Variants in ASPM observed in about 807,000 individuals in gnomAD.
ASPM encodes the protein abnormal spindle-like microcephaly-associated protein.
In ASPM, 256 loss-of-function variants were observed where a neutral mutation model predicts 366.4. The ratio of observed to expected loss-of-function variants is 0.70; its 90% CI spans 0.63 to 0.77. The LOEUF (loss-of-function observed/expected upper bound fraction) is 0.77. Ranked by LOEUF, ASPM falls within the 30% of genes least tolerant of loss-of-function variation. The probability of loss-of-function intolerance (pLI) is 0.00; values close to 1 mark genes in which losing one functional copy is unlikely to be tolerated. For synonymous variants in ASPM, 1,414 were observed against 1,342.9 expected, an observed-to-expected ratio of 1.05 and a Z score of -1.16; for missense variants, 4,146 against 4,090.4, an observed-to-expected ratio of 1.01 and a Z score of -0.37.
rs1464543547 is a variant in ASPM, at chr1:197,104,417, T to A, written c.4834A>T (p.Ile1612Phe). 2 of 1,612,984 alleles carry A rather than the reference T, an allele frequency of 1.2e-6. No homozygotes were observed. Among genetic ancestry groups the A allele is most frequent in the Admixed American group, 3.3e-5 (2 of 59,796 alleles). The stretch of plus-strand genomic sequence containing the variant: ...ATATAAGCTCGGAAATGAGTCTGAA[T>A]TATAACAGCTGCTTTCTTCATCTTC... The part of the protein sequence containing the change: ...YKKMKKAAVI[I>F]QTHFRAYIFA... Residue 1612 changes from isoleucine to phenylalanine, a missense_variant, in exon 18 of 28, where the codon ATT becomes TTT. This residue lies in a region of ASPM where 3,624 missense variants were observed against 3,591.7 expected (regional missense o/e 1.01). Transcript: ENST00000367409.
rs1331437736 is a variant in ASPM, at chr1:197,101,145, G to A, written c.8106C>T (p.His2702=). 1 of 1,612,258 alleles carries A rather than the reference G, an allele frequency of 6.2e-7. No homozygotes were observed. Among genetic ancestry groups the A allele is most frequent in the Admixed American group, 1.7e-5 (1 of 59,724 alleles). ...TTGTTTCATAATCAACTTTGGCCCT[G>A]TGCATTCGATAGAATGACTGAATTA... ...ATLIQSFYRM[H]RAKVDYETKK... The change falls in exon 18 of 28, where the codon CAC becomes CAT. Residue 2702 remains histidine, a synonymous_variant. Transcript: ENST00000367409.
At position 197,142,865 on chromosome 1, in the gene ASPM, T is replaced by G; in HGVS notation, c.1387A>C (p.Ser463Arg). The change falls in exon 3 of 28, where the codon AGT (serine) becomes CGT (arginine). Residue 463 changes from serine to arginine, a missense_variant. Ser to Arg is a moderately radical substitution (Grantham distance 110, BLOSUM62 -1). Transcript: ENST00000367409. ...TTAGGATTATTTTGTTTTATAAAAC[T>G]GTAGTAATTTGACTTCATTTCTACT... The part of the protein sequence containing the change: ...ELVEMKSNYY[S>R]FIKQNNPKFS... 1 of 1,613,046 alleles carries G rather than the reference T, an allele frequency of 6.2e-7. No homozygotes were observed. Among genetic ancestry groups the G allele is most frequent in the Non-Finnish European group, 8.5e-7 (1 of 1,179,074 alleles).
chr1:197,112,384 G>A (rs1284524712), intron 17 of ASPM, among the ~76,000 whole-genome samples: 4 of 152,052 alleles, frequency 2.6e-5, no homozygotes, highest in Non-Finnish European at 5.9e-5. Flanking sequence ...AGGAGGGAAA[G>A]GATCAGGAAA....
chr1:197,133,992 G>T (rs1422573845), intron 5 of ASPM, among the ~76,000 whole-genome samples: 1 of 151,636 alleles, frequency 6.6e-6, no homozygotes, highest in Non-Finnish European at 1.5e-5. Context: ...TTTAAGAAAA[G>T]AACGAAAAAT....
chr1:197,119,560 A>G (rs1025649572), intron 16 of ASPM, among the ~76,000 whole-genome samples: 5 of 152,108 alleles, frequency 3.3e-5, no homozygotes, highest in Admixed American at 6.6e-5. Context: ...AGAGGCAAAT[A>G]TATTACCAAA....
At position 197,101,067 on chromosome 1, in the gene ASPM, T is replaced by C. The variant is rs374998345; in HGVS notation, c.8184A>G (p.Val2728=). The C allele has an allele frequency of 2.4e-5, 39 of 1,611,358 alleles. No homozygotes were observed. Among genetic ancestry groups the C allele is most frequent in the African/African-American group, 9.4e-5 (7 of 74,700 alleles). The change falls in exon 18 of 28, where the codon GTA becomes GTG. Residue 2728 remains valine (V), a synonymous_variant. Transcript: ENST00000367409. ...CTAAAAAGTTTTTTCTTTCTGTTTT[T>C]ACTCTAACATACAACCTATAATAAT... ...IQNYYRLYVR[V]KTERKNFLAV... is the part of the protein sequence containing the mutation.
At position 197,139,857 on chromosome 1, in the gene ASPM, T is replaced by C. The variant is rs1658530143; in HGVS notation, c.1936A>G (p.Arg646Gly). Reference protein sequence around the residue: ...LKKKTDLSIFRTPISKTNKRT... With the variant: ...LKKKTDLSIFGTPISKTNKRT... ...TTGTTTGTTTTAGAAATTGGAGTTC[T>C]GAATATTGATAAATCTAAAATAAAT... Residue 646 changes from arginine (R) to glycine (G), a missense_variant, in exon 4 of 28, where the codon AGA becomes GGA. Coordinates refer to ENST00000367409, the MANE Select transcript of ASPM (RefSeq NM_018136.5). 1 of 1,595,228 alleles carries C rather than the reference T, an allele frequency of 6.3e-7. No individual in the cohort carries two copies. The highest frequency in any genetic ancestry group is 8.6e-7 in the Non-Finnish European group (1 of 1,163,044).
At chr1:197,129,516 T>C (rs1176626880) in intron 8 of ASPM, among the ~76,000 whole-genome samples, 199 bp from the exon 9 acceptor site, 3 of 152,142 alleles carry the variant, frequency 2.0e-5, no homozygotes, top group Admixed American at 1.3e-4. Context: ...ATGGGACAAG[T>C]ATGCACCACT....
chr1:197,104,072 G>A lies in ASPM; in HGVS notation c.5179C>T (p.Gln1727Ter). ...IAAQKREEYM[Q>*]MRESCIKLQA... ...AGTTTGATACAAGATTCCCGCATCT[G>A]CATATACTCTTCTCTCTTTTGTGCA... Residue 1727 changes from glutamine to a stop codon, truncating the protein, a stop_gained, in exon 18 of 28, where the codon CAG becomes TAG. Coordinates refer to ENST00000367409, the MANE Select transcript of ASPM (RefSeq NM_018136.5). LOFTEE classifies it high-confidence loss of function. The A allele has an allele frequency of 6.8e-6, 11 of 1,612,976 alleles. No homozygotes were observed. The highest frequency in any genetic ancestry group is 8.5e-6 in the Non-Finnish European group (10 of 1,179,470).
Position 197,142,470 on chromosome 1 carries a change from T to C in ASPM, c.1782A>G (p.Thr594=). 6.2e-7 allele frequency: 1 copy of C among 1,614,050 alleles called. No individual in the cohort carries two copies. Among genetic ancestry groups the C allele is most frequent in the South Asian group, 1.1e-5 (1 of 91,086 alleles). Residue 594 remains threonine, a synonymous_variant, in exon 3 of 28, where the codon ACA becomes ACG. Transcript: ENST00000367409. The stretch of plus-strand genomic sequence containing the variant: ...GGATTCTTTTGATTTCTCGCACTTC[T>C]GTATGTTCTGTAATTGCAACTCTCA... ...ANVRVAITEH[T]EVREIKRIHF...
At position 197,129,289 on chromosome 1, in the gene ASPM, T is replaced by C. The variant is rs1200250531; in HGVS notation, c.2658A>G (p.Thr886=). ...DGHEEALSKF[T]LKKLLLLVCF... ...AGACCAACAACAATAACTTTTTCAA[T>C]GTAAACTTGGACAAAGCTTCTTCAT... Residue 886 remains threonine (T), a synonymous_variant, in exon 9 of 28, where the codon ACA becomes ACG. Coordinates refer to ENST00000367409, the MANE Select transcript of ASPM (RefSeq NM_018136.5). The C allele has an allele frequency of 1.2e-6, 2 of 1,613,138 alleles. No homozygotes were observed. Among genetic ancestry groups the C allele is most frequent in the East Asian group, 2.2e-5 (1 of 44,732 alleles).
intron 18 of ASPM, among the ~76,000 whole-genome samples, chr1:197,098,027 CAT>C (rs1657035733): frequency 6.7e-6 from 1 of 149,658 alleles, no homozygotes; most frequent in African/African-American, 2.4e-5. Flanking sequence ...CACACACACA[CAT>C]CACACCTGAA....
chr1:197,146,079 T>G (rs1288324461), intron 1 of ASPM, 62 bp downstream of exon 1: 2 of 1,594,724 alleles, frequency 1.3e-6, no homozygotes, highest in African/African-American at 2.7e-5. Context: ...CTGAGGAGGG[T>G]GGCAGGAAAG....
intron 17 of ASPM, among the ~76,000 whole-genome samples, chr1:197,115,573 C>T (rs1338426311): frequency 1.3e-5 from 2 of 152,140 alleles, no homozygotes; most frequent in African/African-American, 4.8e-5. Context: ...AAATGTGTTT[C>T]TTAAATAATA....
At chr1:197,092,119 T>C (rs1656805501) in intron 21 of ASPM, 63 bp from the exon 22 acceptor site, 1 of 1,539,754 alleles carries the variant, frequency 6.5e-7, no homozygotes, top group Non-Finnish European at 9.0e-7. Context: ...ATGAGTGTTT[T>C]TTTTTGTATA....
intron 17 of ASPM, among the ~76,000 whole-genome samples, chr1:197,113,450 G>A (rs1337453671): frequency 6.6e-6 from 1 of 152,140 alleles, no homozygotes; most frequent in Admixed American, 6.6e-5. Context: ...AGTAAAACAT[G>A]CTGAAACAAC....
rs199936400 is a variant in ASPM at position 197,089,723 on chromosome 1, TTAA to T, written c.9984+204_9984+206del. On this transcript the variant is annotated intron_variant, in intron 25 of 27. Coordinates refer to ENST00000367409, the MANE Select transcript of ASPM (RefSeq NM_018136.5). ...TTAATATTATTAATCATCATTGTTTTTAATATTATAAAGACTGAGGAAATAATA... is the reference window on the plus strand; with the variant it reads ...TTAATATTATTAATCATCATTGTTTTTATTATAAAGACTGAGGAAATAATA... 4.1e-3 allele frequency among the ~76,000 whole-genome samples: 621 copies of T among 152,138 alleles called. 7 individuals carry two copies. Among genetic ancestry groups the T allele is most frequent in the African/African-American group, 0.013 (537 of 41,552 alleles).
intron 18 of ASPM, among the ~76,000 whole-genome samples, chr1:197,097,908 C>A (rs1290789747): frequency 6.6e-6 from 1 of 151,096 alleles, no homozygotes; most frequent in African/African-American, 2.4e-5. Flanking sequence ...GACCGAAAAT[C>A]TGTCACAGAA....
In ASPM at chr1:197,105,024, T is replaced by C. The variant is rs1180323784; in HGVS notation, c.4227A>G (p.Arg1409=). 2 of 1,610,768 alleles carry C rather than the reference T, an allele frequency of 1.2e-6. No homozygotes were observed. Among genetic ancestry groups the C allele is most frequent in the Non-Finnish European group, 1.7e-6 (2 of 1,178,222 alleles). The change falls in exon 18 of 28, where the codon AGA becomes AGG. Residue 1409 remains arginine (R), a synonymous_variant. Coordinates refer to ENST00000367409, the MANE Select transcript of ASPM (RefSeq NM_018136.5). ...CATATCTTTGTTGATCTTGTTTTCTTCTTAAATAAGCACGCCAATGCCTCT... is the reference window on the plus strand; with the variant it reads ...CATATCTTTGTTGATCTTGTTTTCTCCTTAAATAAGCACGCCAATGCCTCT... ...TIQRHWRAYL[R]RKQDQQRYEM... is the part of the protein sequence containing the mutation.
Sources: allele counts gnomAD v4.1 joint callset (sites outside exome capture counted in the v4.1 genomes callset), GRCh38; gene constraint gnomAD v4.1.1; regional missense constraint gnomAD v4.1.1; transcripts MANE v1.5; gene names NCBI Gene and HGNC (gene_info 2026-07-23, HGNC 2026-07-21).